Variants in SRP19 observed in about 807,000 individuals in gnomAD.
The protein encoded by SRP19 is signal recognition particle 19 kDa protein.
SRP19 carries 11 observed loss-of-function variants against 22.4 expected under a neutral mutation model. The ratio of observed to expected loss-of-function variants is 0.49; its 90% CI spans 0.31 to 0.81. The LOEUF (loss-of-function observed/expected upper bound fraction) is 0.81, where lower values mean the gene tolerates loss of function less well. Ranked by LOEUF, SRP19 falls within the 40% of genes least tolerant of loss-of-function variation. SRP19 has a pLI of 0.05. For synonymous variants in SRP19, 61 were observed against 57.6 expected, an observed-to-expected ratio of 1.06 and a Z score of -0.27; for missense variants, 168 against 175.9, an observed-to-expected ratio of 0.96 and a Z score of 0.25.
intron 4 of SRP19, 114 bp from the exon 5 acceptor site, chr5:112,867,290 G>C: frequency 7.7e-7 from 1 of 1,293,398 alleles, no homozygotes; most frequent in Non-Finnish European, 1.0e-6. Context: ...TTTTAAAAAA[G>C]TTATTTTCCA....
chr5:112,892,915 CCA>C, exon 5 of SRP19: 1 of 1,607,452 alleles, frequency 6.2e-7, no homozygotes, highest in East Asian at 2.2e-5. Flanking sequence ...GCACAATTCA[CCA>C]AGCAGAGGAA....
chr5:112,876,066 A>G (rs970073923), intron 4 of SRP19, among the ~76,000 whole-genome samples: 10 of 152,150 alleles, frequency 6.6e-5, no homozygotes, highest in African/African-American at 2.2e-4. Context: ...ATCAAGATGC[A>G]TGCAATACAC....
chr5:112,880,760 A>C (rs1175839784), intron 4 of SRP19, among the ~76,000 whole-genome samples: 1 of 152,236 alleles, frequency 6.6e-6, no homozygotes, highest in East Asian at 1.9e-4. Flanking sequence ...TGGGTGAAGT[A>C]GACAGAAATG....
At chr5:112,861,546 C>T in intron 1 of SRP19, 129 bp downstream of exon 1, 5 of 944,526 alleles carry the variant, frequency 5.3e-6, no homozygotes, top group South Asian at 1.7e-5. Flanking sequence ...TGTACGGGCC[C>T]CGCGCCTCTC....
At chr5:112,887,934 G>A (rs1340737270) in intron 4 of SRP19, among the ~76,000 whole-genome samples, 1 of 152,042 alleles carries the variant, frequency 6.6e-6, no homozygotes, top group African/African-American at 2.4e-5. Flanking sequence ...TCCTTTTTAA[G>A]ATAAAAAGAA....
At chr5:112,881,868 G>A (rs1768085416) in intron 4 of SRP19, 2 of 151,890 alleles carry the variant, frequency 1.3e-5, no homozygotes, top group African/African-American at 4.8e-5. Flanking sequence ...AGGCTCAGGT[G>A]ATCCTCCCAT....
chr5:112,872,866 T>C (rs1344745456), downstream of SRP19, among the ~76,000 whole-genome samples: 2 of 152,180 alleles, frequency 1.3e-5, no homozygotes, highest in Non-Finnish European at 2.9e-5. Context: ...AGGTAAATGT[T>C]CTTAGACCTT....
At chr5:112,879,554 G>A (rs1284442053) in intron 4 of SRP19, among the ~76,000 whole-genome samples, 1 of 152,032 alleles carries the variant, frequency 6.6e-6, no homozygotes, top group Non-Finnish European at 1.5e-5. Context: ...GCTCACTACA[G>A]GCTCTGCCTC....
chr5:112,880,640 TTCC>T (rs1363741268), intron 4 of SRP19, among the ~76,000 whole-genome samples: 1 of 152,236 alleles, frequency 6.6e-6, no homozygotes, highest in Admixed American at 6.5e-5. Flanking sequence ...AGCATGTAAA[TTCC>T]TCCTAACTTA....
intron 4 of SRP19, among the ~76,000 whole-genome samples, chr5:112,876,168 AT>A (rs1427540735): frequency 6.6e-6 from 1 of 152,200 alleles, no homozygotes; most frequent in East Asian, 1.9e-4. Context: ...TGTAGTGCTA[AT>A]TATTGGTAGA....
chr5:112,891,614 C>T (rs1460303140), exon 5 of SRP19: 15 of 1,577,050 alleles, frequency 9.5e-6, no homozygotes, highest in Middle Eastern at 3.3e-4. Flanking sequence ...TTAAGAATGT[C>T]TGAGGGGTCA....
rs373526148 is a variant in SRP19, at chr5:112,861,346, C to G, written c.-31C>G. On this transcript the variant is annotated 5_prime_UTR_variant, in exon 1 of 5. Coordinates refer to ENST00000505459, the MANE Select transcript of SRP19 (RefSeq NM_003135.3). ...CGGGTTTCTGCCGGGTTTCTCCCTG[C>G]GGCTCCTGGGTTGTTGAGACTCTTG... 3.7e-6 allele frequency: 6 copies of G among 1,613,874 alleles called. No individual in the cohort carries two copies. In the African/African-American group the frequency reaches 8.0e-5, roughly 22 times the overall value.
Position 112,868,858 on chromosome 5 carries a change from G to T in SRP19, c.*1321G>T, listed in dbSNP as rs961389542. 2.0e-5 allele frequency: 3 copies of T among 152,058 alleles called. No homozygotes were observed. Among genetic ancestry groups the T allele is most frequent in the African/African-American group, 7.3e-5 (3 of 41,372 alleles). 9.4% of individuals were successfully genotyped at this position (152,058 alleles called of 1,614,324 possible). A position where few individuals can be genotyped will look rare whatever the true frequency, so the allele number is the denominator to read the frequency against. On this transcript the variant is annotated 3_prime_UTR_variant, in exon 5 of 5. Coordinates refer to ENST00000505459, the MANE Select transcript of SRP19 (RefSeq NM_003135.3). The stretch of plus-strand genomic sequence containing the variant: ...TCCTCCTGCCTCAACCTCCCAAAGT[G>T]CTGGGATTACAGGCATGAGCTAGCT...
exon 5 of SRP19, chr5:112,892,049 A>C (rs1233189144): frequency 6.6e-7 from 1 of 1,517,144 alleles, no homozygotes; most frequent in Non-Finnish European, 9.2e-7. Context: ...AAGAAAGAAA[A>C]AGAGGAAGCT....
At chr5:112,872,588 C>G (rs936301469), downstream of SRP19, among the ~76,000 whole-genome samples, 1 of 152,158 alleles carries the variant, frequency 6.6e-6, no homozygotes, top group Admixed American at 6.5e-5. Flanking sequence ...CTTGGCCTCC[C>G]AAAGTGCTGG....
At chr5:112,867,358 G>T in intron 4 of SRP19, 46 bp from the exon 5 acceptor site, 1 of 1,577,670 alleles carries the variant, frequency 6.3e-7, no homozygotes, top group Non-Finnish European at 8.6e-7. Flanking sequence ...GACTTTTTAT[G>T]TCTTATTTCT....
At chr5:112,870,202 C>T (rs1767726880), downstream of SRP19, among the ~76,000 whole-genome samples, 1 of 152,098 alleles carries the variant, frequency 6.6e-6, no homozygotes, top group Admixed American at 6.5e-5. Context: ...AGAATGCATA[C>T]TGGGTCAGGT....
Position 112,867,983 on chromosome 5 carries a change from C to A in SRP19, c.*446C>A. The A allele has an allele frequency of 1.0e-6, 1 of 986,700 alleles. No individual in the cohort carries two copies. The highest frequency in any genetic ancestry group is 5.2e-4 in the Middle Eastern group (1 of 1,914). 61.1% of individuals were successfully genotyped at this position (986,700 alleles called of 1,614,324 possible). A position where few individuals can be genotyped will look rare whatever the true frequency, so the allele number is the denominator to read the frequency against. On this transcript the variant is annotated 3_prime_UTR_variant, in exon 5 of 5. Transcript: ENST00000505459. The stretch of plus-strand genomic sequence containing the variant: ...AGAATAAAATATGTAGTGAAAGTTT[C>A]CATAGTGTGAGGCTAAAACTAGAAG...
exon 5 of SRP19, chr5:112,891,869 A>C: frequency 6.9e-7 from 1 of 1,459,434 alleles, no homozygotes; most frequent in Non-Finnish European, 9.6e-7. Context: ...GAAAGATTAC[A>C]TGAGGAGTGG....
Sources: allele counts gnomAD v4.1 joint callset (sites outside exome capture counted in the v4.1 genomes callset), GRCh38; gene constraint gnomAD v4.1.1; transcripts MANE v1.5; gene names NCBI Gene and HGNC (gene_info 2026-07-23, HGNC 2026-07-21).